PALLD: variants seen among roughly 807,000 people sequenced by gnomAD.
PALLD encodes the protein palladin, cytoskeletal associated protein, also known as palladin.
In PALLD, 61 loss-of-function variants were observed where a neutral mutation model predicts 123.5. That is an observed-to-expected ratio of 0.49 (90% CI 0.40 to 0.61). The LOEUF is 0.61. Ranked by LOEUF, PALLD falls within the 20% of genes least tolerant of loss-of-function variation. PALLD has a pLI of 0.00. For missense variants in PALLD, 1,273 were observed against 1,377.0 expected, an observed-to-expected ratio of 0.92 and a Z score of 1.20; for synonymous variants, 465 against 496.4, an observed-to-expected ratio of 0.94 and a Z score of 0.84.
At chr4:168,497,988 C>T (rs1038716223) in intron 1 of PALLD, among the ~76,000 whole-genome samples, 1 of 152,154 alleles carries the variant, frequency 6.6e-6, no homozygotes, top group Non-Finnish European at 1.5e-5. Flanking sequence ...CATATAAAGC[C>T]ATTTCTTGGC....
intron 2 of PALLD, among the ~76,000 whole-genome samples, chr4:168,602,176 T>C (rs1387337708): frequency 1.3e-5 from 2 of 151,926 alleles, no homozygotes; most frequent in African/African-American, 2.4e-5. Flanking sequence ...CCCTTCAGGG[T>C]GAGATTTGGA....
At position 168,927,498 on chromosome 4, in the gene PALLD, G is replaced by A. The variant is rs978006537; in HGVS notation, c.*1318G>A. ...AGCAAGTTGAAAATGGATTGAGACTGCATGGTGGCATAAATGAGAAATTGC... is the reference window on the plus strand; with the variant it reads ...AGCAAGTTGAAAATGGATTGAGACTACATGGTGGCATAAATGAGAAATTGC... On this transcript the variant is annotated 3_prime_UTR_variant, in exon 22 of 22. Coordinates refer to ENST00000505667, the MANE Select transcript of PALLD (RefSeq NM_001166108.2). The A allele has an allele frequency of 3.4e-5, 8 of 232,072 alleles. No individual in the cohort carries two copies. In the South Asian group the frequency reaches 1.3e-3, roughly 37 times the overall value. The allele number at this position is 232,072 out of a possible 1,614,324, so 14.4% of individuals were successfully genotyped here.
At chr4:168,641,051 A>G (rs1236412313) in intron 2 of PALLD, among the ~76,000 whole-genome samples, 3 of 152,128 alleles carry the variant, frequency 2.0e-5, no homozygotes, top group Non-Finnish European at 4.4e-5. Flanking sequence ...TACTAAAAAT[A>G]CAAAAAATTA....
rs138297052 is a variant in PALLD at position 168,787,753 on chromosome 4, A to G, written c.1964+75830A>G. Among the ~76,000 whole-genome samples, 627 of 152,330 alleles carry G rather than the reference A, an allele frequency of 4.1e-3. 8 individuals are homozygous for G. The highest frequency in any genetic ancestry group is 0.014 in the African/African-American group (586 of 41,568). On this transcript the variant is annotated intron_variant, in intron 10 of 21. Coordinates refer to ENST00000505667, the MANE Select transcript of PALLD (RefSeq NM_001166108.2). ...GAATTCAGAAGTTTGCTGATAGTCA[A>G]CTACTTTCTTTTATTCCTCCTTTCC...
intron 2 of PALLD, among the ~76,000 whole-genome samples, chr4:168,576,340 T>C (rs1175826181): frequency 6.6e-6 from 1 of 152,052 alleles, no homozygotes; most frequent in Non-Finnish European, 1.5e-5. Context: ...ACCCAGTAAC[T>C]CGTCATTTAA....
intron 1 of PALLD, among the ~76,000 whole-genome samples, chr4:168,502,539 A>G (rs947871675): frequency 1.3e-5 from 2 of 152,166 alleles, no homozygotes; most frequent in Admixed American, 6.5e-5. Context: ...TCAAGTTTTT[A>G]CCAGAAAACA....
chr4:168,511,620 T>TA lies in PALLD; in HGVS notation c.119dup (p.Asn40LysfsTer5), dbSNP rs775715922. Reference sequence around the variant, plus strand: ...TCTGCTTTCCTCAGCCAGGAAGAGATAAACAAGAGTCTTGACCTGGCCCGG... The same window carrying TA: ...TCTGCTTTCCTCAGCCAGGAAGAGATAAAACAAGAGTCTTGACCTGGCCCGG... On this transcript the variant is annotated frameshift_variant, in exon 2 of 22. Coordinates refer to ENST00000505667, the MANE Select transcript of PALLD (RefSeq NM_001166108.2). LOFTEE classifies it high-confidence loss of function. The TA allele has an allele frequency of 8.7e-6, 14 of 1,613,952 alleles. No homozygotes were observed. The South Asian group carries it at 1.5e-4, about 18-fold the overall frequency.
intron 3 of PALLD, 102 bp downstream of exon 3, chr4:168,668,470 A>T: frequency 1.1e-6 from 1 of 908,490 alleles, no homozygotes; most frequent in Non-Finnish European, 1.6e-6. Context: ...CAAATGGCAC[A>T]ATGGTGTTCT....
chr4:168,901,527 A>C (rs1242351390), intron 14 of PALLD, among the ~76,000 whole-genome samples: 1 of 152,230 alleles, frequency 6.6e-6, no homozygotes, highest in East Asian at 1.9e-4. Flanking sequence ...AAGGGAAGAA[A>C]TTGTATACTT....
chr4:168,759,245 A>G (rs1440314496), intron 10 of PALLD, among the ~76,000 whole-genome samples: 3 of 124,666 alleles, frequency 2.4e-5, no homozygotes, highest in Non-Finnish European at 3.3e-5. Flanking sequence ...ATATATATAT[A>G]GAAACAATAT....
chr4:168,919,106 C>G (rs1358681795), intron 17 of PALLD, among the ~76,000 whole-genome samples: 2 of 152,078 alleles, frequency 1.3e-5, no homozygotes, highest in African/African-American at 4.8e-5. Context: ...AAAGAAATAA[C>G]AGTACTGTCT....
chr4:168,879,694 T>G (rs562234845), intron 10 of PALLD, among the ~76,000 whole-genome samples: 7 of 152,324 alleles, frequency 4.6e-5, no homozygotes, highest in Non-Finnish European at 1.0e-4. Flanking sequence ...TTACATTAAT[T>G]TGAAATGTGG....
chr4:168,920,514 G>T (rs1173900362), intron 17 of PALLD, among the ~76,000 whole-genome samples: 2 of 152,122 alleles, frequency 1.3e-5, no homozygotes, highest in African/African-American at 2.4e-5. Context: ...GGGGTAGGGG[G>T]TAAAAAGGCC....
At chr4:168,648,622 A>G (rs1280722184) in intron 2 of PALLD, 1 of 152,216 alleles carries the variant, frequency 6.6e-6, no homozygotes, top group African/African-American at 2.4e-5. Flanking sequence ...TGCACCAAGC[A>G]TCTGCTTTTA....
chr4:168,627,048 C>A (rs894302578), intron 2 of PALLD, among the ~76,000 whole-genome samples: 1 of 152,156 alleles, frequency 6.6e-6, no homozygotes, highest in Non-Finnish European at 1.5e-5. Flanking sequence ...CTCAACACTA[C>A]AGAACTGTAC....
chr4:168,554,350 T>C (rs1767053765), intron 2 of PALLD, among the ~76,000 whole-genome samples: 1 of 152,240 alleles, frequency 6.6e-6, no homozygotes, highest in African/African-American at 2.4e-5. Context: ...TGAGTTTCTC[T>C]CTTACTCTTC....
chr4:168,925,899 G>C (rs368241513), intron 21 of PALLD, among the ~76,000 whole-genome samples: 1 of 151,954 alleles, frequency 6.6e-6, no homozygotes, highest in Non-Finnish European at 1.5e-5. Flanking sequence ...TAAAAGGAGA[G>C]GGGGGATGAG....
chr4:168,731,042 G>T (rs1787122972), intron 10 of PALLD, among the ~76,000 whole-genome samples: 1 of 152,154 alleles, frequency 6.6e-6, no homozygotes, highest in Non-Finnish European at 1.5e-5. Flanking sequence ...CAGTCTTCTT[G>T]TACTAAGCTC....
chr4:168,830,743 A>G (rs906562113), intron 10 of PALLD, among the ~76,000 whole-genome samples: 1 of 152,228 alleles, frequency 6.6e-6, no homozygotes, highest in Non-Finnish European at 1.5e-5. Context: ...ATTCATTTAA[A>G]AGTCAATAAA....
Sources: allele counts gnomAD v4.1 joint callset (sites outside exome capture counted in the v4.1 genomes callset), GRCh38; gene constraint gnomAD v4.1.1; transcripts MANE v1.5; gene names NCBI Gene and HGNC (gene_info 2026-07-23, HGNC 2026-07-21).